Variants in ZMAT4 observed in about 807,000 individuals in gnomAD.
ZMAT4 encodes zinc finger matrin-type 4, also known as zinc finger matrin-type protein 4.
ZMAT4 carries 17 observed loss-of-function variants against 28.7 expected under a neutral mutation model. The observed-to-expected ratio is 0.59, with a 90% CI of 0.41 to 0.89. The LOEUF is 0.89. Ranked by LOEUF, ZMAT4 falls within the 40% of genes least tolerant of loss-of-function variation. ZMAT4 has a pLI of 0.00. For synonymous variants in ZMAT4, 117 were observed against 109.2 expected (o/e 1.07, Z -0.44); for missense variants, 240 against 283.8 (o/e 0.85, Z 1.11).
At position 40,689,431 on chromosome 8, in the gene ZMAT4, C is replaced by T. The variant is rs1188654706; in HGVS notation, c.349+7814G>A. ...AAATATTTTAAAATGTTATGTTAAT[C>T]GCACTCAAATGCCATGCAGTAATTT... On this transcript the variant is annotated intron_variant, in intron 4 of 6. Transcript: ENST00000297737. Among the ~76,000 whole-genome samples the T allele has an allele frequency of 3.3e-5, 5 of 152,300 alleles. No homozygotes were observed. In the South Asian group the frequency reaches 6.2e-4, roughly 19 times the overall value.
At chr8:40,844,657 C>CTGTGTGTGTGTGTGTG (rs71224857) in intron 1 of ZMAT4, among the ~76,000 whole-genome samples, 14 of 142,496 alleles carry the variant, frequency 9.8e-5, no homozygotes, top group African/African-American at 3.7e-4. Flanking sequence ...CTCTCTCATT[C>CTGTGTGTGTGTGTGTG]TGTGTGTGTG....
At position 40,647,156 on chromosome 8, in the gene ZMAT4, C is replaced by T. The variant is rs371435227; in HGVS notation, c.577+27548G>A. On this transcript the variant is annotated intron_variant, in intron 5 of 6. Transcript: ENST00000297737. ...GACGGGTGATTTCTGCATTTCCATC[C>T]GAGGTACCAGGTTCATCTCACTAGG... Among the ~76,000 whole-genome samples, 68 of 152,250 alleles carry T rather than the reference C, an allele frequency of 4.5e-4. No homozygotes were observed. The East Asian group carries it at 4.7e-3, about 10-fold the overall frequency.
At chr8:40,852,427 G>T (rs1006642183) in intron 1 of ZMAT4, among the ~76,000 whole-genome samples, 2 of 152,060 alleles carry the variant, frequency 1.3e-5, no homozygotes, top group Admixed American at 6.6e-5. Flanking sequence ...CTTATTAAAC[G>T]ATAGCTGGAT....
intron 1 of ZMAT4, among the ~76,000 whole-genome samples, chr8:40,829,852 G>A (rs1004022238): frequency 1.3e-5 from 2 of 152,090 alleles, no homozygotes; most frequent in Non-Finnish European, 2.9e-5. Context: ...CTTTTCCCTG[G>A]CACAGAGAAA....
chr8:40,548,765 C>T (rs1241505654), intron 6 of ZMAT4, among the ~76,000 whole-genome samples: 1 of 152,092 alleles, frequency 6.6e-6, no homozygotes, highest in Non-Finnish European at 1.5e-5. Context: ...AAGACAAAGA[C>T]AGGAATGAGG....
chr8:40,710,029 C>T (rs1810534979), intron 3 of ZMAT4, among the ~76,000 whole-genome samples: 1 of 142,612 alleles, frequency 7.0e-6, no homozygotes, highest in African/African-American at 2.7e-5. Flanking sequence ...CAGTCTGAGA[C>T]CCAGTCTCAA....
At chr8:40,745,519 CT>C (rs1377328707) in intron 3 of ZMAT4, among the ~76,000 whole-genome samples, 1 of 152,094 alleles carries the variant, frequency 6.6e-6, no homozygotes, top group African/African-American at 2.4e-5. Flanking sequence ...CTTATCAATC[CT>C]TTACACCTTA....
At chr8:40,667,911 G>T (rs990711441) in intron 5 of ZMAT4, among the ~76,000 whole-genome samples, 1 of 151,368 alleles carries the variant, frequency 6.6e-6, no homozygotes, top group Non-Finnish European at 1.5e-5. Context: ...ACATCAGCAG[G>T]CATAAAAACC....
At chr8:40,746,507 G>A (rs569183040) in intron 3 of ZMAT4, among the ~76,000 whole-genome samples, 14 of 151,748 alleles carry the variant, frequency 9.2e-5, no homozygotes, top group Admixed American at 7.2e-4. Flanking sequence ...AGGACTATAA[G>A]CGCATATCAC....
At chr8:40,589,199 C>T (rs560505311) in intron 5 of ZMAT4, among the ~76,000 whole-genome samples, 75 of 152,258 alleles carry the variant, frequency 4.9e-4, no homozygotes, top group South Asian at 2.3e-3. Flanking sequence ...CTCTTTGCAA[C>T]ACTCTGGGGT....
intron 5 of ZMAT4, among the ~76,000 whole-genome samples, chr8:40,625,231 G>A (rs1197574847): frequency 6.6e-6 from 1 of 152,046 alleles, no homozygotes; most frequent in Non-Finnish European, 1.5e-5. Flanking sequence ...AGGAAGAACG[G>A]AGGGAAGGCA....
intron 6 of ZMAT4, among the ~76,000 whole-genome samples, chr8:40,566,661 C>T (rs967042386): frequency 2.4e-4 from 36 of 152,102 alleles, no homozygotes; most frequent in African/African-American, 7.7e-4. Flanking sequence ...AAATCTGAAG[C>T]TCCCCCCTAC....
Position 40,726,989 on chromosome 8 carries a change from A to T in ZMAT4, c.193-29588T>A, listed in dbSNP as rs140884471. 3.8e-3 allele frequency among the ~76,000 whole-genome samples: 581 copies of T among 152,322 alleles called. 5 individuals are homozygous for T. The highest frequency in any genetic ancestry group is 0.013 in the African/African-American group (548 of 41,566). ...GTAAATGTTAAAACCACCCTAAGTC[A>T]TCGGAGAGGTACAAGAAGATATTTC... On this transcript the variant is annotated intron_variant, in intron 3 of 6. Transcript: ENST00000297737.
At chr8:40,563,994 C>T (rs1023214635) in intron 6 of ZMAT4, among the ~76,000 whole-genome samples, 9 of 152,144 alleles carry the variant, frequency 5.9e-5, no homozygotes, top group African/African-American at 2.2e-4. Context: ...CTTTCACTTT[C>T]TCATCCCAGG....
chr8:40,793,566 G>A (rs550831985), intron 2 of ZMAT4, among the ~76,000 whole-genome samples: 10 of 152,282 alleles, frequency 6.6e-5, no homozygotes, highest in African/African-American at 9.6e-5. Context: ...TCCATTTGGG[G>A]GTGTTTCTAA....
intron 6 of ZMAT4, among the ~76,000 whole-genome samples, chr8:40,552,995 C>T (rs1309016322): frequency 6.6e-6 from 1 of 152,132 alleles, no homozygotes; most frequent in Admixed American, 6.5e-5. Context: ...AAGGTCATCG[C>T]CAAGGACTGA....
intron 3 of ZMAT4, among the ~76,000 whole-genome samples, chr8:40,699,792 G>T (rs2150497111): frequency 6.6e-6 from 1 of 152,310 alleles, no homozygotes; most frequent in East Asian, 1.9e-4. Context: ...AAGTTCATAA[G>T]CCAGAGCTTA....
At chr8:40,855,053 T>C (rs1201441411) in intron 1 of ZMAT4, among the ~76,000 whole-genome samples, 1 of 152,110 alleles carries the variant, frequency 6.6e-6, no homozygotes, top group African/African-American at 2.4e-5. Flanking sequence ...ACCAACAATA[T>C]CTGAAACTCC....
At chr8:40,862,444 T>G (rs1817529137) in intron 1 of ZMAT4, among the ~76,000 whole-genome samples, 1 of 131,592 alleles carries the variant, frequency 7.6e-6, no homozygotes, top group Non-Finnish European at 1.6e-5. Context: ...GGGGGAGGGA[T>G]AGCATTGGGA....
Sources: gnomAD v4.1 joint callset for allele counts (sites outside exome capture counted in the v4.1 genomes callset) on GRCh38, gnomAD v4.1.1 for gene constraint, MANE v1.5 for transcripts, NCBI Gene and HGNC (gene_info 2026-07-23, HGNC 2026-07-21) for gene names.